DRC4: variants seen among roughly 807,000 people sequenced by gnomAD.
DRC4 encodes the protein dynein regulatory complex subunit 4, also known as GAS-11.
At chr16:90,043,893 C>T in the DRC4 span, 26 of 454,906 alleles carry the variant, frequency 5.7e-5, no homozygotes, top group Non-Finnish European at 9.2e-5. Flanking sequence ...GGCAGGCAGC[C>T]TCCCGCTGCC....
chr16:90,042,815 C>G, the DRC4 span: 2,709 of 522,688 alleles, frequency 5.2e-3, 59 homozygotes, highest in African/African-American at 0.047. Context: ...GGCAGGGAGT[C>G]AGAAGGTGCT....
At chr16:90,030,180 A>G in the DRC4 span, among the ~76,000 whole-genome samples, 1 of 151,858 alleles carries the variant, frequency 6.6e-6, no homozygotes, top group African/African-American at 2.4e-5. Flanking sequence ...CTGGTTTTGT[A>G]TATTTTTTGC....
chr16:90,036,003 C>G, the DRC4 span: 3 of 1,039,446 alleles, frequency 2.9e-6, no homozygotes, highest in Admixed American at 3.1e-5. Context: ...CTCCATGGCT[C>G]CTGGTCTGAG....
chr16:90,031,089 G>T, the DRC4 span: 1 of 1,141,176 alleles, frequency 8.8e-7, no homozygotes, highest in Non-Finnish European at 1.2e-6. Context: ...TATGATTATT[G>T]GCCAAATTGA....
chr16:90,021,832 G>C, the DRC4 span, among the ~76,000 whole-genome samples: 3 of 134,728 alleles, frequency 2.2e-5, no homozygotes, highest in Non-Finnish European at 4.6e-5. Context: ...TCACAGCCTA[G>C]GCGACAGAAG....
At chr16:90,039,358 GTTATTTATTTATTTATTTAT>G in the DRC4 span, among the ~76,000 whole-genome samples, 215 of 146,498 alleles carry the variant, frequency 1.5e-3, 2 homozygotes, top group African/African-American at 5.1e-3. Context: ...GACCAAGGCA[GTTATTTATTTATTTATTTAT>G]TTATTTATTT....
At chr16:90,033,942 G>C in the DRC4 span, among the ~76,000 whole-genome samples, 5 of 145,168 alleles carry the variant, frequency 3.4e-5, no homozygotes, top group Admixed American at 3.4e-4. Flanking sequence ...ACCAGGAGGA[G>C]ACTGTGGGAG....
chr16:90,028,278 G>A, the DRC4 span, among the ~76,000 whole-genome samples: 2 of 140,224 alleles, frequency 1.4e-5, no homozygotes, highest in African/African-American at 2.7e-5. Flanking sequence ...TCCACCTCCC[G>A]GGTTCACACC....
chr16:90,032,763 A>T, the DRC4 span: 1 of 1,613,976 alleles, frequency 6.2e-7, no homozygotes, highest in South Asian at 1.1e-5. Context: ...GCACCAGAAC[A>T]ACCTGACAGA....
the DRC4 span, among the ~76,000 whole-genome samples, chr16:90,021,246 C>G: frequency 6.6e-6 from 1 of 152,202 alleles, no homozygotes; most frequent in African/African-American, 2.4e-5. Context: ...GAGGCCTGAG[C>G]AAACCCAGCT....
chr16:90,043,568 C>A, the DRC4 span: 7 of 599,554 alleles, frequency 1.2e-5, no homozygotes, highest in East Asian at 2.1e-4. Flanking sequence ...TGCCGCACGT[C>A]CAGCCTGTGT....
At chr16:90,023,981 TAA>T in the DRC4 span, among the ~76,000 whole-genome samples, 177 of 129,168 alleles carry the variant, frequency 1.4e-3, no homozygotes, top group South Asian at 3.0e-3. Flanking sequence ...ACACGTCTCT[TAA>T]AAAAAAAAAA....
the DRC4 span, chr16:90,031,591 T>G: frequency 1.8e-4 from 234 of 1,336,024 alleles, no homozygotes; most frequent in Non-Finnish European, 2.1e-4. Flanking sequence ...TTTTCTGTTC[T>G]TGGCTTTGGG....
chr16:90,019,994 A>C, the DRC4 span: 2 of 699,154 alleles, frequency 2.9e-6, no homozygotes, highest in Non-Finnish European at 5.2e-6. This position sits in a 1 kb window ranked among gnomAD's most constrained non-coding sequence, Gnocchi z 6.1. Context: ...GGCTGCAGAG[A>C]GCGCCAAGGC....
the DRC4 span, chr16:90,036,402 AGAAGAT>A: frequency 6.2e-7 from 1 of 1,607,514 alleles, no homozygotes; most frequent in Admixed American, 1.7e-5. Context: ...AAGTATGATA[AGAAGAT>A]GAAGATGCTG....
the DRC4 span, chr16:90,035,823 A>G: frequency 5.1e-6 from 8 of 1,577,676 alleles, no homozygotes; most frequent in East Asian, 9.1e-5. Flanking sequence ...GAGAAAGAAC[A>G]TGGAAGTTTC....
chr16:90,034,020 C>G, the DRC4 span, among the ~76,000 whole-genome samples: 1 of 151,834 alleles, frequency 6.6e-6, no homozygotes. Flanking sequence ...TCGTCCGCCT[C>G]GAAAGCCGTG....
At chr16:90,022,589 C>A in the DRC4 span, 5 of 1,066,012 alleles carry the variant, frequency 4.7e-6, no homozygotes, top group Non-Finnish European at 2.5e-6. Context: ...TTGGCAGGGC[C>A]GCTGCCCGGC....
the DRC4 span, among the ~76,000 whole-genome samples, chr16:90,026,112 CTT>C: frequency 6.6e-6 from 1 of 151,954 alleles, no homozygotes; most frequent in Non-Finnish European, 1.5e-5. Context: ...CAGAGCAAGA[CTT>C]TGTCTTTAAA....
Sources: gnomAD v4.1 joint callset for allele counts (sites outside exome capture counted in the v4.1 genomes callset) on GRCh38, gnomAD v4.1.1 for gene constraint, Gnocchi (gnomAD v3.1) non-coding constraint, MANE v1.5 for transcripts, NCBI Gene and HGNC (gene_info 2026-07-23, HGNC 2026-07-21) for gene names.